CALN1: variants seen among roughly 807,000 people sequenced by gnomAD.
CALN1 encodes the protein calneuron 1.
In CALN1, 17 loss-of-function variants were observed where a neutral mutation model predicts 30.6. The ratio of observed to expected loss-of-function variants is 0.56; its 90% confidence interval spans 0.38 to 0.83. The LOEUF (loss-of-function observed/expected upper bound fraction) is 0.83, where lower values mean the gene tolerates loss of function less well. Among genes scored for constraint, CALN1 ranks in the 40% least tolerant of loss-of-function variants. The pLI, the probability that CALN1 is intolerant of heterozygous loss-of-function variation, is 0.00. For synonymous variants in CALN1, 156 were observed against 131.4 expected (o/e 1.19, Z -1.28); for missense variants, 291 against 354.9 (o/e 0.82, Z 1.45).
At chr7:72,279,308 G>C (rs1797575631) in intron 2 of CALN1, among the ~76,000 whole-genome samples, 1 of 152,146 alleles carries the variant, frequency 6.6e-6, no homozygotes, top group South Asian at 2.1e-4. Context: ...CTCAAAACAG[G>C]TAGGAAATGC....
In CALN1 at chr7:72,201,700, T is replaced by C. The variant is rs964201005; in HGVS notation, c.244+76986A>G. On this transcript the variant is annotated intron_variant, in intron 3 of 6. Transcript: ENST00000395275. ...AACCTCAGCATCATGAATACATCCA[T>C]GTAACAAACATACCCATGTACAACC... 3.4e-5 allele frequency among the ~76,000 whole-genome samples: 5 copies of C among 146,074 alleles called. No individual in the cohort carries two copies. The East Asian group carries it at 6.0e-4, about 18-fold the overall frequency.
At chr7:71,962,250 A>G (rs534332450) in intron 5 of CALN1, among the ~76,000 whole-genome samples, 19 of 151,884 alleles carry the variant, frequency 1.3e-4, no homozygotes, top group Non-Finnish European at 2.1e-4. Context: ...AAAAGTTTAA[A>G]AAATCAGTCA....
intron 2 of CALN1, among the ~76,000 whole-genome samples, chr7:72,367,664 CAAATAA>C (rs370438761): frequency 9.2e-5 from 14 of 152,032 alleles, no homozygotes; most frequent in South Asian, 4.2e-4. Context: ...CAGGTCTCTA[CAAATAA>C]AAATAAAAAT....
intron 6 of CALN1, among the ~76,000 whole-genome samples, chr7:71,789,236 G>A (rs900645186): frequency 1.3e-5 from 2 of 152,048 alleles, no homozygotes; most frequent in Non-Finnish European, 2.9e-5. Context: ...GGCCGACATG[G>A]TGAAACCCCA....
intron 3 of CALN1, among the ~76,000 whole-genome samples, chr7:72,191,328 A>C (rs561183432): frequency 2.6e-5 from 4 of 152,222 alleles, no homozygotes; most frequent in African/African-American, 9.6e-5. Flanking sequence ...GAGGCCAGCC[A>C]TGGTGGCTCA....
chr7:72,473,574 T>G, the CALN1 span, among the ~76,000 whole-genome samples: 1 of 152,200 alleles, frequency 6.6e-6, no homozygotes, highest in African/African-American at 2.4e-5. Context: ...ATTTAACTTA[T>G]TAATGAAATA....
At chr7:72,083,811 T>C (rs1584907987) in intron 4 of CALN1, among the ~76,000 whole-genome samples, 1 of 148,578 alleles carries the variant, frequency 6.7e-6, no homozygotes. Flanking sequence ...CCCAGCTACT[T>C]GGGAGGCTGA....
the CALN1 span, among the ~76,000 whole-genome samples, chr7:72,477,034 A>C: frequency 3.3e-5 from 5 of 152,178 alleles, no homozygotes; most frequent in South Asian, 1.0e-3. Context: ...CACATGGTGA[A>C]ACACCGTCTC....
chr7:71,929,924 T>G (rs1795460774), intron 5 of CALN1, among the ~76,000 whole-genome samples: 1 of 152,184 alleles, frequency 6.6e-6, no homozygotes, highest in African/African-American at 2.4e-5. Flanking sequence ...GGGAATTGGT[T>G]TCAGGACATC....
upstream of CALN1, among the ~76,000 whole-genome samples, chr7:72,416,348 T>A (rs1807418060): frequency 6.6e-6 from 1 of 152,218 alleles, no homozygotes; most frequent in Non-Finnish European, 1.5e-5. Flanking sequence ...GTACCCCTGC[T>A]CTGCAGGAGT....
At chr7:71,933,640 CCT>C (rs1795677963) in intron 5 of CALN1, among the ~76,000 whole-genome samples, 1 of 152,172 alleles carries the variant, frequency 6.6e-6, no homozygotes, top group East Asian at 1.9e-4. Flanking sequence ...GTCTTACTCA[CCT>C]CTGAATCCTT....
chr7:72,391,663 A>G (rs1194594089), intron 2 of CALN1, among the ~76,000 whole-genome samples: 1 of 152,146 alleles, frequency 6.6e-6, no homozygotes, highest in East Asian at 1.9e-4. Flanking sequence ...GTAGGTCTCA[A>G]AAGATCTGAT....
intron 5 of CALN1, among the ~76,000 whole-genome samples, chr7:72,017,689 G>A (rs1800477427): frequency 6.6e-6 from 1 of 152,134 alleles, no homozygotes; most frequent in Admixed American, 6.6e-5. Flanking sequence ...ACCATCCAAT[G>A]AGCAGATCTA....
At chr7:72,409,614 T>C (rs1806974085) in intron 1 of CALN1, among the ~76,000 whole-genome samples, 2 of 151,960 alleles carry the variant, frequency 1.3e-5, no homozygotes, top group South Asian at 2.1e-4. Flanking sequence ...CCTTTCAAAG[T>C]ATCTAAAATT....
rs928308543 is a variant in CALN1, at chr7:72,149,372, G to A, written c.245-43078C>T. Among the ~76,000 whole-genome samples, 5 of 152,236 alleles carry A rather than the reference G, an allele frequency of 3.3e-5. No homozygotes were observed. In the East Asian group the frequency reaches 5.8e-4, roughly 18 times the overall value. ...AATCCCACCTACTAGAGAAGCTGAG[G>A]CAGGAGTATCATTTGAACCCAGAGG... On this transcript the variant is annotated intron_variant, in intron 3 of 6. Transcript: ENST00000395275.
In CALN1 at chr7:72,403,449, G is replaced by C. The variant is rs953354252; in HGVS notation, c.-73-7C>G. On this transcript the variant is annotated splice_region_variant and splice_polypyrimidine_tract_variant and intron_variant, in intron 1 of 6. Transcript: ENST00000395275. ...CAGCGAAGGCACTGAGACTCTGAAA[G>C]GAGTTGACAGAAACTTACAGCCTGC... 4.3e-6 allele frequency: 5 copies of C among 1,161,818 alleles called. No individual in the cohort carries two copies. The highest frequency in any genetic ancestry group is 2.6e-5 in the East Asian group (1 of 38,906). The allele number at this position is 1,161,818 out of a possible 1,614,324, so 72.0% of individuals were successfully genotyped here. A position where few individuals can be genotyped will look rare whatever the true frequency, so the allele number is the denominator to read the frequency against.
intron 5 of CALN1, among the ~76,000 whole-genome samples, chr7:71,893,790 T>C (rs922406079): frequency 1.3e-5 from 2 of 151,732 alleles, no homozygotes; most frequent in East Asian, 3.9e-4. Flanking sequence ...ACCATTAAGG[T>C]TTCCTCTGAG....
intron 1 of CALN1, among the ~76,000 whole-genome samples, chr7:72,439,016 G>A (rs747845443): frequency 9.2e-5 from 14 of 152,250 alleles, no homozygotes; most frequent in South Asian, 2.1e-4. Flanking sequence ...CCTACCCCAT[G>A]CAGTTGAAAA....
chr7:72,024,556 G>A (rs1173716239), intron 4 of CALN1, among the ~76,000 whole-genome samples: 1 of 152,038 alleles, frequency 6.6e-6, no homozygotes, highest in Non-Finnish European at 1.5e-5. Flanking sequence ...AAGCCACCAA[G>A]CCTGGCTAAT....
Sources: allele counts gnomAD v4.1 joint callset (sites outside exome capture counted in the v4.1 genomes callset), GRCh38; gene constraint gnomAD v4.1.1; transcripts MANE v1.5; gene names NCBI Gene and HGNC (gene_info 2026-07-23, HGNC 2026-07-21).